Variants in TNS1 observed in about 807,000 individuals in gnomAD.
The protein encoded by TNS1 is tensin 1, also known as tensin-1.
In TNS1, 62 loss-of-function variants were observed where a neutral mutation model predicts 168.6. The observed-to-expected ratio is 0.37, with a 90% CI of 0.30 to 0.45. The LOEUF (loss-of-function observed/expected upper bound fraction) is 0.45. TNS1 is among the 20% of genes least tolerant of loss of function. TNS1 has a pLI of 1.00. For synonymous variants in TNS1, 934 were observed against 933.2 expected, an observed-to-expected ratio of 1.00 and a Z score of -0.02; for missense variants, 2,240 against 2,339.4, an observed-to-expected ratio of 0.96 and a Z score of 0.88.
chr2:217,859,345 TC>T (rs1948562918), intron 18 of TNS1: 1 of 402,748 alleles, frequency 2.5e-6, no homozygotes, highest in East Asian at 3.7e-5. Flanking sequence ...AAGGTGGAAA[TC>T]TTTTTTTCCC....
Position 217,937,110 on chromosome 2 carries a change from C to T in TNS1, c.187-16874G>A, listed in dbSNP as rs374143429. On this transcript the variant is annotated intron_variant, in intron 3 of 32. Transcript: ENST00000682258. ...TACCTCTTCTCCAAAGCTTCCTCCG[C>T]TCTGCCAGCTCACATGAGCTGCCTC... The T allele has an allele frequency of 6.1e-5, 27 of 441,208 alleles. 1 individual carries two copies. The highest frequency in any genetic ancestry group is 5.2e-4 in the African/African-American group (26 of 49,860). The allele number at this position is 441,208 out of a possible 1,614,324, so 27.3% of individuals were successfully genotyped here.
chr2:218,012,887 G>T (rs1484886547), upstream of TNS1, among the ~76,000 whole-genome samples: 1 of 152,052 alleles, frequency 6.6e-6, no homozygotes, highest in East Asian at 1.9e-4. Context: ...TGGGTGGGGG[G>T]TTCTAATCCC....
At chr2:217,946,774 G>C (rs1455134931) in intron 3 of TNS1, among the ~76,000 whole-genome samples, 1 of 151,934 alleles carries the variant, frequency 6.6e-6, no homozygotes, top group Admixed American at 6.6e-5. Flanking sequence ...TCCAGCACCT[G>C]GGTATAGAAC....
chr2:217,915,517 C>T (rs1954907941), intron 4 of TNS1, among the ~76,000 whole-genome samples: 1 of 152,184 alleles, frequency 6.6e-6, no homozygotes. Context: ...CTGAGGGGTC[C>T]TAAGCCCAGG....
At chr2:217,870,829 G>A (rs1039142751) in intron 18 of TNS1, among the ~76,000 whole-genome samples, 1 of 152,232 alleles carries the variant, frequency 6.6e-6, no homozygotes, top group Non-Finnish European at 1.5e-5. Flanking sequence ...GGGTCCGAGG[G>A]CATTGAGACA....
chr2:218,002,532 G>C (rs1173892950), intron 1 of TNS1, among the ~76,000 whole-genome samples: 1 of 136,076 alleles, frequency 7.3e-6, no homozygotes, highest in Non-Finnish European at 1.5e-5. Context: ...AGGCTCTAAA[G>C]AGAAGCAAAC....
chr2:217,928,856 G>T (rs1169916109), intron 3 of TNS1, among the ~76,000 whole-genome samples: 1 of 152,104 alleles, frequency 6.6e-6, no homozygotes, highest in Non-Finnish European at 1.5e-5. Flanking sequence ...TAGGCTCCCT[G>T]TCCTGCAAGC....
At chr2:217,885,244 G>T (rs780148746) in intron 15 of TNS1, 80 bp from the exon 16 acceptor site, 16 of 1,580,518 alleles carry the variant, frequency 1.0e-5, no homozygotes, top group Non-Finnish European at 1.0e-5. Context: ...TATCAGCTCC[G>T]CTGACTGAGC....
chr2:217,838,803 T>C (rs1467458917), intron 19 of TNS1, among the ~76,000 whole-genome samples: 9 of 152,118 alleles, frequency 5.9e-5, no homozygotes, highest in Admixed American at 2.6e-4. Flanking sequence ...GAGAGCCCCA[T>C]TGTTCCTTAG....
chr2:217,962,334 T>C (rs552492319), intron 3 of TNS1, among the ~76,000 whole-genome samples: 1 of 152,102 alleles, frequency 6.6e-6, no homozygotes. Context: ...TCCCAGCTAC[T>C]TGGGAGGCTG....
At chr2:217,927,757 C>T (rs900861564) in intron 3 of TNS1, among the ~76,000 whole-genome samples, 4 of 152,208 alleles carry the variant, frequency 2.6e-5, no homozygotes, top group Non-Finnish European at 5.9e-5. Flanking sequence ...GAGGGTGCCA[C>T]TACCCACTCT....
At chr2:217,886,693 T>G in intron 12 of TNS1, 47 bp from the exon 13 acceptor site, 1 of 1,362,852 alleles carries the variant, frequency 7.3e-7, no homozygotes, top group Non-Finnish European at 1.0e-6. Context: ...TGGGTACTGG[T>G]GCAGTAATCC....
intron 3 of TNS1, among the ~76,000 whole-genome samples, chr2:217,974,736 C>A (rs998726146): frequency 2.6e-5 from 4 of 152,266 alleles, no homozygotes; most frequent in Middle Eastern, 3.4e-3. Context: ...TCCTCTGCAA[C>A]CCAGCTTACA....
chr2:217,890,582 A>AG, intron 12 of TNS1: 1 of 215,684 alleles, frequency 4.6e-6, no homozygotes, highest in South Asian at 1.1e-4. Flanking sequence ...CTCCCACAGC[A>AG]GGGGGCAGTG....
chr2:217,979,552 C>CAG (rs1957988322), intron 2 of TNS1, among the ~76,000 whole-genome samples: 1 of 150,896 alleles, frequency 6.6e-6, no homozygotes, highest in Non-Finnish European at 1.5e-5. Flanking sequence ...CACACACACA[C>CAG]AGGACTTGCT....
chr2:217,965,259 T>C (rs1281872941), intron 3 of TNS1, among the ~76,000 whole-genome samples: 4 of 152,220 alleles, frequency 2.6e-5, no homozygotes, highest in Non-Finnish European at 2.9e-5. Context: ...GCCTATCACA[T>C]GCCAGGATTT....
chr2:217,955,369 C>T (rs943634425), intron 3 of TNS1, among the ~76,000 whole-genome samples: 5 of 152,190 alleles, frequency 3.3e-5, no homozygotes, highest in African/African-American at 1.2e-4. Context: ...GAGACATCCA[C>T]GCAGGGAAGG....
At chr2:217,811,448 A>T (rs1940879312) in intron 28 of TNS1, among the ~76,000 whole-genome samples, 1 of 152,206 alleles carries the variant, frequency 6.6e-6, no homozygotes, top group Non-Finnish European at 1.5e-5. Flanking sequence ...GGATAAGTAG[A>T]AATTGTCCAA....
chr2:217,966,268 C>CGTGTGTGTGTGT lies in TNS1; in HGVS notation c.186+12485_186+12496dup, dbSNP rs3838555. 5.6e-4 allele frequency among the ~76,000 whole-genome samples: 79 copies of CGTGTGTGTGTGT among 140,832 alleles called. 1 individual carries two copies. Among genetic ancestry groups the CGTGTGTGTGTGT allele is most frequent in the South Asian group, 1.2e-3 (5 of 4,192 alleles). The allele number at this position is 140,832 out of a possible 152,430, so 92.4% of individuals were successfully genotyped here. A position where few individuals can be genotyped will look rare whatever the true frequency, so the allele number is the denominator to read the frequency against. The stretch of plus-strand genomic sequence containing the variant: ...CCTCCCTGCTATGGGGAGCAGGCTG[C>CGTGTGTGTGTGT]GTGTGTGTGTGTGTGTGTGTGTGTG... On this transcript the variant is annotated intron_variant, in intron 3 of 32. Transcript: ENST00000682258.
Sources: gnomAD v4.1 joint callset for allele counts (sites outside exome capture counted in the v4.1 genomes callset) on GRCh38, gnomAD v4.1.1 for gene constraint, MANE v1.5 for transcripts, NCBI Gene and HGNC (gene_info 2026-07-23, HGNC 2026-07-21) for gene names.